DHX36: variants seen among roughly 807,000 people sequenced by gnomAD.
DHX36 encodes ATP-dependent DNA/RNA helicase DHX36.
Under a neutral mutation model 139.0 loss-of-function variants are expected in DHX36, and 50 were observed. The ratio of observed to expected loss-of-function variants is 0.36; its 90% confidence interval spans 0.29 to 0.46. The LOEUF (loss-of-function observed/expected upper bound fraction) is 0.46, where lower values mean the gene tolerates loss of function less well. Among genes scored for constraint, DHX36 ranks in the 20% least tolerant of loss-of-function variants. DHX36 has a pLI of 1.00. For synonymous variants in DHX36, 425 were observed against 401.9 expected, an observed-to-expected ratio of 1.06 and a Z score of -0.69; for missense variants, 1,024 against 1,211.3, an observed-to-expected ratio of 0.85 and a Z score of 2.29.
chr3:154,309,111 C>T (rs1712632271), intron 5 of DHX36, among the ~76,000 whole-genome samples: 1 of 151,868 alleles, frequency 6.6e-6, no homozygotes, highest in South Asian at 2.1e-4. Flanking sequence ...TCACTTGAAC[C>T]CTAGAGGTTG....
At position 154,293,784 on chromosome 3, in the gene DHX36, C is replaced by T. The variant is rs143919087; in HGVS notation, c.1634G>A (p.Arg545Gln). The T allele has an allele frequency of 1.7e-4, 282 of 1,612,374 alleles. No homozygotes were observed. In the African/African-American group the frequency reaches 2.5e-3, roughly 14 times the overall value. The change falls in exon 14 of 25, where the codon CGG (arginine) becomes CAG (glutamine). Residue 545 changes from arginine to glutamine, a missense_variant. This residue lies in a region of DHX36 where 470 missense variants were observed against 616.2 expected (regional missense o/e 0.76). Coordinates refer to ENST00000496811, the MANE Select transcript of DHX36 (RefSeq NM_020865.3). ...AATGTTGGTAGCAATTACTATTTTC[C>T]GAACACCAGGAGGGGTTCTTTTAAA... ...QVFKRTPPGV[R>Q]KIVIATNIAE...
At chr3:154,317,128 A>G (rs923887832) in intron 1 of DHX36, among the ~76,000 whole-genome samples, 2 of 152,082 alleles carry the variant, frequency 1.3e-5, no homozygotes, top group Non-Finnish European at 2.9e-5. Flanking sequence ...AGAAAGAATC[A>G]AAGAACTGTT....
Position 154,314,754 on chromosome 3 carries a change from T to C in DHX36, c.603+292A>G, listed in dbSNP as rs57813524. 39,141 of 247,064 alleles carry C rather than the reference T, an allele frequency of 0.16. 4,191 individuals carry two copies. The highest frequency in any genetic ancestry group is 0.37 in the East Asian group (4,154 of 11,330). The allele number at this position is 247,064 out of a possible 1,614,324, so 15.3% of individuals were successfully genotyped here. A position where few individuals can be genotyped will look rare whatever the true frequency, so the allele number is the denominator to read the frequency against. The stretch of plus-strand genomic sequence containing the variant: ...GCCTTTACTGCACATGGCACCTCAC[T>C]AAACTGGCCTAGAAAAGCTGAAGAG... On this transcript the variant is annotated intron_variant, in intron 3 of 24. Coordinates refer to ENST00000496811, the MANE Select transcript of DHX36 (RefSeq NM_020865.3).
intron 1 of DHX36, among the ~76,000 whole-genome samples, chr3:154,320,921 G>A (rs1713163404): frequency 6.6e-6 from 1 of 152,254 alleles, no homozygotes; most frequent in African/African-American, 2.4e-5. Context: ...TTAAAATCCA[G>A]TCATTTCATT....
rs149882269 is a variant in DHX36, at chr3:154,323,828, T to C, written c.243+346A>G. On this transcript the variant is annotated intron_variant, in intron 1 of 24. Transcript: ENST00000496811. ...GGCAAAGACCTTAAAGTGACAATTA[T>C]TATTCTAAGGGAAAGGACGGCCAGA... Among the ~76,000 whole-genome samples the C allele has an allele frequency of 1.2e-3, 180 of 152,312 alleles. 1 individual carries two copies. Among genetic ancestry groups the C allele is most frequent in the African/African-American group, 3.9e-3 (164 of 41,572 alleles).
At chr3:154,311,250 A>C (rs1046959926) in intron 4 of DHX36, among the ~76,000 whole-genome samples, 3 of 152,152 alleles carry the variant, frequency 2.0e-5, no homozygotes, top group African/African-American at 7.2e-5. Context: ...ATATAGTGTA[A>C]TAAATTAAAA....
intron 8 of DHX36, among the ~76,000 whole-genome samples, chr3:154,304,099 A>C (rs1712408917): frequency 6.6e-6 from 1 of 152,120 alleles, no homozygotes; most frequent in African/African-American, 2.4e-5. Flanking sequence ...TACCCCAACT[A>C]ATCTTACATG....
chr3:154,294,221 T>C (rs1385461216), intron 13 of DHX36, among the ~76,000 whole-genome samples: 3 of 151,770 alleles, frequency 2.0e-5, no homozygotes, highest in Non-Finnish European at 4.4e-5. Context: ...GCAGAACAAA[T>C]GTCAACTGTG....
chr3:154,284,809 C>T lies in DHX36; in HGVS notation c.2205+5G>A. Reference sequence around the variant, plus strand: ...ATAACTCGGTTTTATTTCCATTTTTCTTACCAGTGGAATGACAAATGGATC... The same window carrying T: ...ATAACTCGGTTTTATTTCCATTTTTTTTACCAGTGGAATGACAAATGGATC... On this transcript the variant is annotated splice_donor_5th_base_variant and intron_variant, in intron 18 of 24. Transcript: ENST00000496811. 1 of 1,612,086 alleles carries T rather than the reference C, an allele frequency of 6.2e-7. No homozygotes were observed. The highest frequency in any genetic ancestry group is 8.5e-7 in the Non-Finnish European group (1 of 1,179,118).
intron 13 of DHX36, 132 bp downstream of exon 13, chr3:154,295,149 CAAA>C: frequency 1.9e-6 from 1 of 537,500 alleles, no homozygotes. Flanking sequence ...CAAAGGTTCT[CAAA>C]GAAGTATTTT....
chr3:154,316,767 G>A (rs1472395621), intron 1 of DHX36, among the ~76,000 whole-genome samples: 1 of 150,796 alleles, frequency 6.6e-6, no homozygotes, highest in African/African-American at 2.4e-5. Context: ...ATGAAACTTT[G>A]CAGAAACTTT....
Position 154,284,625 on chromosome 3 carries a change from C to T in DHX36, c.2250G>A (p.Lys750=), listed in dbSNP as rs1050710113. The change falls in exon 19 of 25, where the codon AAG becomes AAA. Residue 750 remains lysine (K), a synonymous_variant. Transcript: ENST00000496811. ...CTGTTAAGTGATCACTTCTAGTATC[C>T]TTTGCCAATTCCTTTCTTCTTGCAT... is the stretch of plus-strand genomic sequence containing the variant. ...IADARRKELA[K]DTRSDHLTVV... 2 of 1,612,668 alleles carry T rather than the reference C, an allele frequency of 1.2e-6. No individual in the cohort carries two copies. Among genetic ancestry groups the T allele is most frequent in the Non-Finnish European group, 8.5e-7 (1 of 1,179,454 alleles).
At chr3:154,313,420 C>T (rs935932381) in intron 3 of DHX36, among the ~76,000 whole-genome samples, 6 of 152,130 alleles carry the variant, frequency 3.9e-5, no homozygotes, top group African/African-American at 1.2e-4. Context: ...TGGCTCACTC[C>T]CATAATTACA....
chr3:154,298,503 T>C (rs539563122), intron 12 of DHX36, among the ~76,000 whole-genome samples: 5 of 152,380 alleles, frequency 3.3e-5, no homozygotes, highest in African/African-American at 1.2e-4. Flanking sequence ...GCAAGCTAGA[T>C]AGTAAATAAT....
In DHX36 at chr3:154,311,685, A is replaced by G. The variant is rs778867399; in HGVS notation, c.604-11T>C. On this transcript the variant is annotated splice_polypyrimidine_tract_variant and intron_variant, in intron 3 of 24. Coordinates refer to ENST00000496811, the MANE Select transcript of DHX36 (RefSeq NM_020865.3). ...CTTTTCTCTGAAATGCTGAAATTTA[A>G]AAAAAGTTTTAAATTTTCACAGAAG... The G allele has an allele frequency of 3.1e-6, 5 of 1,594,142 alleles. No homozygotes were observed. Among genetic ancestry groups the G allele is most frequent in the Non-Finnish European group, 3.4e-6 (4 of 1,172,442 alleles).
Position 154,273,397 on chromosome 3 carries a change from A to G in DHX36, c.*2774T>C, listed in dbSNP as rs1214197521. ...TTTTCCCCATTCATATGGGAATTAC[A>G]TACTGGTTTGCAAACACAGAACCAA... On this transcript the variant is annotated 3_prime_UTR_variant, in exon 25 of 25. Transcript: ENST00000496811. The G allele has an allele frequency of 6.6e-6, 1 of 152,220 alleles. No homozygotes were observed. Among genetic ancestry groups the G allele is most frequent in the Non-Finnish European group, 1.5e-5 (1 of 68,034 alleles). 9.4% of individuals were successfully genotyped at this position (152,220 alleles called of 1,614,324 possible). A position where few individuals can be genotyped will look rare whatever the true frequency, so the allele number is the denominator to read the frequency against.
At chr3:154,310,608 C>T (rs919766280) in intron 4 of DHX36, among the ~76,000 whole-genome samples, 2 of 149,364 alleles carry the variant, frequency 1.3e-5, no homozygotes, top group Non-Finnish European at 3.0e-5. Context: ...TGGTGAAACC[C>T]CATCTCTACT....
At position 154,303,424 on chromosome 3, in the gene DHX36, CA is replaced by C. The variant is rs747532692; in HGVS notation, c.1136-15del. The C allele has an allele frequency of 1.1e-4, 167 of 1,563,946 alleles. No homozygotes were observed. The highest frequency in any genetic ancestry group is 1.7e-4 in the Middle Eastern group (1 of 5,918). On this transcript the variant is annotated splice_polypyrimidine_tract_variant and intron_variant, in intron 8 of 24. Transcript: ENST00000496811. ...TTGGACAGTTACCTATTACGGCAGA[CA>C]AAATATAAGCATAAATTTGTACTCA...
chr3:154,295,434 C>T lies in DHX36; in HGVS notation c.1550-95G>A, dbSNP rs1712001220. 5 of 531,836 alleles carry T rather than the reference C, an allele frequency of 9.4e-6. No homozygotes were observed. In the South Asian group the frequency reaches 1.5e-4, roughly 16 times the overall value. The allele number at this position is 531,836 out of a possible 1,614,324, so 32.9% of individuals were successfully genotyped here. A position where few individuals can be genotyped will look rare whatever the true frequency, so the allele number is the denominator to read the frequency against. Reference sequence around the variant, plus strand: ...CAATGAATTCAGAAGCTGAACCACTCAATTCTTTTTTTGATAAGACATTGA... The same window carrying T: ...CAATGAATTCAGAAGCTGAACCACTTAATTCTTTTTTTGATAAGACATTGA... On this transcript the variant is annotated intron_variant, in intron 12 of 24. Transcript: ENST00000496811.
Sources: gnomAD v4.1 joint callset for allele counts (sites outside exome capture counted in the v4.1 genomes callset) on GRCh38, gnomAD v4.1.1 for gene constraint, gnomAD v4.1.1 regional missense constraint, MANE v1.5 for transcripts, NCBI Gene and HGNC (gene_info 2026-07-23, HGNC 2026-07-21) for gene names.